DLC1: variants seen among roughly 807,000 people sequenced by gnomAD.
The protein encoded by DLC1 is DLC1 Rho GTPase activating protein, also known as rho GTPase-activating protein 7.
A neutral mutation model predicts 140.3 loss-of-function variants in DLC1; 54 were observed. The observed-to-expected ratio is 0.38, with a 90% CI of 0.31 to 0.48. The LOEUF (loss-of-function observed/expected upper bound fraction) is 0.48, where lower values mean the gene tolerates loss of function less well. Among genes scored for constraint, DLC1 ranks in the 20% least tolerant of loss-of-function variants. The pLI is 0.96. For missense variants in DLC1, 2,536 were observed against 1,907.0 expected, an observed-to-expected ratio of 1.33 and a Z score of -6.14; for synonymous variants, 986 against 728.1, an observed-to-expected ratio of 1.35 and a Z score of -5.70.
intron 1 of DLC1, among the ~76,000 whole-genome samples, chr8:13,520,622 TAA>T (rs907078466): frequency 1.3e-5 from 2 of 151,148 alleles, no homozygotes; most frequent in Admixed American, 6.6e-5. Flanking sequence ...AAAGTATAAT[TAA>T]AAAAAGAAAA....
At chr8:13,586,586 C>G (rs921256837) in intron 1 of DLC1, among the ~76,000 whole-genome samples, 1 of 107,052 alleles carries the variant, frequency 9.3e-6, no homozygotes, top group African/African-American at 3.8e-5. Context: ...TGCAGATGCA[C>G]ATGCACACAC....
intron 1 of DLC1, among the ~76,000 whole-genome samples, chr8:13,510,426 C>T (rs188828100): frequency 1.3e-5 from 2 of 152,220 alleles, no homozygotes; most frequent in East Asian, 3.9e-4. Flanking sequence ...ATCTGACTGC[C>T]TTGGCCTCCC....
intron 5 of DLC1, among the ~76,000 whole-genome samples, chr8:13,132,182 C>T (rs62493016): frequency 0.31 from 46,913 of 149,694 alleles, 7,691 homozygotes; most frequent in Admixed American, 0.46. Context: ...TTCAGCGACC[C>T]ATCTCCGGGA....
intron 1 of DLC1, among the ~76,000 whole-genome samples, chr8:13,577,119 T>G (rs1804869811): frequency 6.6e-6 from 1 of 152,126 alleles, no homozygotes; most frequent in Non-Finnish European, 1.5e-5. Context: ...TTTCTACATT[T>G]AAGAACAGTC....
chr8:13,326,141 C>G (rs955454120), intron 4 of DLC1, among the ~76,000 whole-genome samples: 2 of 152,144 alleles, frequency 1.3e-5, no homozygotes, highest in Non-Finnish European at 2.9e-5. Context: ...AGACAGCATC[C>G]CCGCTGTCAA....
intron 1 of DLC1, among the ~76,000 whole-genome samples, chr8:13,577,195 G>A (rs1398271730): frequency 6.6e-6 from 1 of 152,056 alleles, no homozygotes; most frequent in African/African-American, 2.4e-5. Flanking sequence ...TTTATAATAG[G>A]TTTCACTCCT....
At chr8:13,143,607 C>A (rs968761844) in intron 5 of DLC1, among the ~76,000 whole-genome samples, 1 of 143,414 alleles carries the variant, frequency 7.0e-6, no homozygotes, top group Non-Finnish European at 1.5e-5. Context: ...AGGTGTGCAC[C>A]ATCACCCTGG....
chr8:13,590,178 C>T (rs796943444), intron 1 of DLC1, among the ~76,000 whole-genome samples: 31 of 151,492 alleles, frequency 2.0e-4, no homozygotes, highest in African/African-American at 7.3e-4. Flanking sequence ...CCTATATTTA[C>T]AGTATTAAGG....
chr8:13,312,380 A>T (rs201147094), intron 4 of DLC1, among the ~76,000 whole-genome samples: 1,225 of 99,422 alleles, frequency 0.012, 129 homozygotes, highest in African/African-American at 0.05. Flanking sequence ...AAAAAAAAAA[A>T]AAAAAAAATA....
chr8:13,273,567 G>A (rs549820684), intron 5 of DLC1, among the ~76,000 whole-genome samples: 1 of 152,104 alleles, frequency 6.6e-6, no homozygotes, highest in African/African-American at 2.4e-5. Flanking sequence ...TTTATAAAAG[G>A]CTGCAGATGC....
At chr8:13,255,721 C>T (rs2117304583) in intron 5 of DLC1, among the ~76,000 whole-genome samples, 1 of 152,284 alleles carries the variant, frequency 6.6e-6, no homozygotes, top group Admixed American at 6.5e-5. Flanking sequence ...AATCTCACCC[C>T]ACCTCTGTCA....
chr8:13,344,643 T>A (rs541192997), intron 4 of DLC1, among the ~76,000 whole-genome samples: 27 of 152,304 alleles, frequency 1.8e-4, no homozygotes, highest in Non-Finnish European at 3.7e-4. Flanking sequence ...CTGGTAGGAA[T>A]GGTTACTGAT....
At chr8:13,447,881 C>G (rs1166983070) in intron 2 of DLC1, among the ~76,000 whole-genome samples, 3 of 150,876 alleles carry the variant, frequency 2.0e-5, no homozygotes, top group South Asian at 4.1e-4. Context: ...TAAAAATACC[C>G]TGTCTCTAAA....
intron 1 of DLC1, among the ~76,000 whole-genome samples, chr8:13,522,697 G>A (rs1403445540): frequency 6.6e-6 from 1 of 151,984 alleles, no homozygotes; most frequent in Admixed American, 6.6e-5. Flanking sequence ...GTATTATGTA[G>A]TATATGGACA....
chr8:13,427,755 C>G (rs942772611), intron 2 of DLC1, among the ~76,000 whole-genome samples: 14 of 152,166 alleles, frequency 9.2e-5, no homozygotes, highest in African/African-American at 3.4e-4. Context: ...ATGTGAGGTC[C>G]TTGAGATTAA....
intron 5 of DLC1, among the ~76,000 whole-genome samples, chr8:13,274,587 A>G (rs900419805): frequency 1.3e-5 from 2 of 152,214 alleles, no homozygotes; most frequent in Admixed American, 6.5e-5. Flanking sequence ...TTGACTCCAA[A>G]CATAGTATTA....
At chr8:13,454,258 A>C (rs1297743618) in intron 2 of DLC1, among the ~76,000 whole-genome samples, 1 of 152,176 alleles carries the variant, frequency 6.6e-6, no homozygotes, top group East Asian at 1.9e-4. Flanking sequence ...TCTTGTAAAG[A>C]AAACCAGCAT....
intron 2 of DLC1, among the ~76,000 whole-genome samples, chr8:13,484,693 G>A (rs187232290): frequency 1.3e-5 from 2 of 152,070 alleles, no homozygotes; most frequent in East Asian, 3.9e-4. Context: ...TTATCAGAGT[G>A]GCAATGAAAT....
chr8:13,461,944 T>A (rs1244157403), intron 2 of DLC1, among the ~76,000 whole-genome samples: 2 of 152,204 alleles, frequency 1.3e-5, no homozygotes, highest in Non-Finnish European at 2.9e-5. Flanking sequence ...GAGGTATTTA[T>A]CTCTGGTCAT....
Sources: gnomAD v4.1 joint callset for allele counts (sites outside exome capture counted in the v4.1 genomes callset) on GRCh38, gnomAD v4.1.1 for gene constraint, MANE v1.5 for transcripts, NCBI Gene and HGNC (gene_info 2026-07-23, HGNC 2026-07-21) for gene names.